DTD1: variants seen among roughly 807,000 people sequenced by gnomAD.
The protein encoded by DTD1 is D-aminoacyl-tRNA deacylase 1.
DTD1 carries 13 observed loss-of-function variants against 25.6 expected under a neutral mutation model. The observed-to-expected ratio is 0.51, with a 90% CI of 0.33 to 0.81. The LOEUF is 0.81. Ranked by LOEUF, DTD1 falls within the 30% of genes least tolerant of loss-of-function variation. DTD1 has a pLI of 0.02. For missense variants in DTD1, 193 were observed against 266.4 expected (o/e 0.72, Z 1.92); for synonymous variants, 110 against 103.6 (o/e 1.06, Z -0.37).
intron 4 of DTD1, among the ~76,000 whole-genome samples, chr20:18,701,699 A>G (rs1412174328): frequency 6.6e-6 from 1 of 152,208 alleles, no homozygotes; most frequent in Non-Finnish European, 1.5e-5. Context: ...CATCACTTAG[A>G]AATGAGCACT....
chr20:18,702,470 A>C (rs1293028041), intron 4 of DTD1, among the ~76,000 whole-genome samples: 2 of 152,250 alleles, frequency 1.3e-5, no homozygotes, highest in African/African-American at 4.8e-5. Flanking sequence ...TATAGAATAA[A>C]GATCTAGATT....
At chr20:18,679,656 T>A in intron 4 of DTD1, among the ~76,000 whole-genome samples, 1 of 133,396 alleles carries the variant, frequency 7.5e-6, no homozygotes, top group South Asian at 2.4e-4. Flanking sequence ...TTGAGGTGGG[T>A]GAGGGCTGGT....
intron 5 of DTD1, among the ~76,000 whole-genome samples, chr20:18,750,120 C>T (rs11906552): frequency 0.045 from 6,883 of 152,222 alleles, 350 homozygotes; most frequent in African/African-American, 0.12. Flanking sequence ...CTCCTGCTTC[C>T]GAGAATTTAG....
At chr20:18,730,325 T>A (rs180994220) in intron 4 of DTD1, among the ~76,000 whole-genome samples, 24 of 152,342 alleles carry the variant, frequency 1.6e-4, no homozygotes, top group Admixed American at 1.3e-3. Flanking sequence ...TAAATCCCAA[T>A]GGGTGTGAGT....
chr20:18,613,014 C>T lies in DTD1; in HGVS notation c.371-15113C>T, dbSNP rs117074398. On this transcript the variant is annotated intron_variant, in intron 3 of 5. Transcript: ENST00000377452. ...TCTACTGGGACTTTCCTGCCTTCTC[C>T]GTCATGATCAAGGAAATCAGCGGAG... Among the ~76,000 whole-genome samples the T allele has an allele frequency of 7.9e-3, 1,202 of 152,248 alleles. 8 individuals carry two copies. Among genetic ancestry groups the T allele is most frequent in the Middle Eastern group, 0.014 (4 of 294 alleles).
At chr20:18,597,290 A>G (rs1047791806) in intron 3 of DTD1, among the ~76,000 whole-genome samples, 20 of 152,074 alleles carry the variant, frequency 1.3e-4, no homozygotes, top group African/African-American at 4.3e-4. Flanking sequence ...AAAAATTTCT[A>G]TCAAAATTTA....
At chr20:18,693,460 C>T (rs563600378) in intron 4 of DTD1, among the ~76,000 whole-genome samples, 1 of 151,810 alleles carries the variant, frequency 6.6e-6, no homozygotes, top group African/African-American at 2.4e-5. Flanking sequence ...AATTCGAGGC[C>T]AACCTGACCA....
intron 4 of DTD1, among the ~76,000 whole-genome samples, chr20:18,646,257 G>T (rs1472042365): frequency 1.3e-5 from 2 of 152,176 alleles, no homozygotes; most frequent in Non-Finnish European, 2.9e-5. Flanking sequence ...TGCCCATCAT[G>T]GAAGAATGTC....
chr20:18,656,883 C>CTT (rs11480379), intron 4 of DTD1, among the ~76,000 whole-genome samples: 6 of 152,058 alleles, frequency 3.9e-5, no homozygotes, highest in Non-Finnish European at 7.4e-5. Flanking sequence ...TGGCAATATT[C>CTT]TTTTTTGTTG....
chr20:18,710,217 G>T (rs2061153238), intron 4 of DTD1, among the ~76,000 whole-genome samples: 1 of 152,086 alleles, frequency 6.6e-6, no homozygotes, highest in South Asian at 2.1e-4. Context: ...GAACTGACAG[G>T]TTAGGTATCA....
At chr20:18,633,257 G>A (rs1290304416) in intron 4 of DTD1, among the ~76,000 whole-genome samples, 1 of 152,094 alleles carries the variant, frequency 6.6e-6, no homozygotes, top group Admixed American at 6.5e-5. Flanking sequence ...TTCACCTACT[G>A]CATCTGCTGT....
intron 3 of DTD1, chr20:18,619,955 A>G (rs2060726588): frequency 6.6e-6 from 1 of 151,942 alleles, no homozygotes; most frequent in Non-Finnish European, 1.5e-5. Flanking sequence ...TTTAAATTTT[A>G]TTTATTATTT....
At chr20:18,763,198 T>C (rs987126422) in intron 5 of DTD1, among the ~76,000 whole-genome samples, 162 bp from the exon 6 acceptor site, 1 of 152,190 alleles carries the variant, frequency 6.6e-6, no homozygotes, top group Admixed American at 6.5e-5. Context: ...CATGGCAACA[T>C]GGCAGGTTTT....
chr20:18,641,812 T>C (rs1006733383), intron 4 of DTD1, among the ~76,000 whole-genome samples: 1 of 152,244 alleles, frequency 6.6e-6, no homozygotes, highest in African/African-American at 2.4e-5. Context: ...ATCCTGTGGA[T>C]TACCTTTTCA....
intron 1 of DTD1, among the ~76,000 whole-genome samples, chr20:18,591,165 T>C (rs1201830959): frequency 2.0e-5 from 3 of 152,212 alleles, no homozygotes; most frequent in African/African-American, 7.2e-5. Context: ...CTAGTCCTTC[T>C]ACTTGTCCCT....
intron 4 of DTD1, among the ~76,000 whole-genome samples, chr20:18,739,412 C>T (rs1349042163): frequency 6.6e-6 from 1 of 152,222 alleles, no homozygotes; most frequent in Admixed American, 6.5e-5. Flanking sequence ...TGCAGGCTGA[C>T]CACAGGATCA....
At chr20:18,644,851 C>G (rs886482148) in intron 4 of DTD1, among the ~76,000 whole-genome samples, 1 of 152,112 alleles carries the variant, frequency 6.6e-6, no homozygotes, top group African/African-American at 2.4e-5. Flanking sequence ...CTTTATTCAA[C>G]CGTGGCGTAT....
intron 4 of DTD1, among the ~76,000 whole-genome samples, chr20:18,643,803 T>C (rs1887794579): frequency 1.3e-5 from 2 of 152,214 alleles, no homozygotes; most frequent in Admixed American, 1.3e-4. Context: ...TTGAAGCATG[T>C]CCCTTAATTT....
At chr20:18,723,348 C>T (rs1370446942) in intron 4 of DTD1, among the ~76,000 whole-genome samples, 1 of 152,172 alleles carries the variant, frequency 6.6e-6, no homozygotes, top group African/African-American at 2.4e-5. Flanking sequence ...GTCATCTTGG[C>T]TATTATTGTC....
Sources: allele counts gnomAD v4.1 joint callset (sites outside exome capture counted in the v4.1 genomes callset), GRCh38; gene constraint gnomAD v4.1.1; transcripts MANE v1.5; gene names NCBI Gene and HGNC (gene_info 2026-07-23, HGNC 2026-07-21).